SDK1: variants seen among roughly 807,000 people sequenced by gnomAD.
SDK1 encodes the protein protein sidekick-1.
Under a neutral mutation model 245.5 loss-of-function variants are expected in SDK1, and 157 were observed. That is an observed-to-expected ratio of 0.64 (90% confidence interval 0.56 to 0.73). The LOEUF (loss-of-function observed/expected upper bound fraction) is 0.73, where lower values mean the gene tolerates loss of function less well. Ranked by LOEUF, SDK1 falls within the 30% of genes least tolerant of loss-of-function variation. The pLI is 0.00. For synonymous variants in SDK1, 1,647 were observed against 1,278.5 expected, an observed-to-expected ratio of 1.29 and a Z score of -6.15; for missense variants, 3,583 against 3,002.3, an observed-to-expected ratio of 1.19 and a Z score of -4.52.
chr7:3,678,910 T>C (rs1293702795), intron 4 of SDK1, among the ~76,000 whole-genome samples: 1 of 152,108 alleles, frequency 6.6e-6, no homozygotes, highest in Non-Finnish European at 1.5e-5. Flanking sequence ...ACCTCACATT[T>C]TATATCTTTA....
chr7:3,428,903 T>G (rs1024863868), intron 1 of SDK1, among the ~76,000 whole-genome samples: 4 of 152,174 alleles, frequency 2.6e-5, no homozygotes, highest in Admixed American at 6.5e-5. Flanking sequence ...GCAGTGGAGA[T>G]ATTGAGATAC....
At position 3,940,399 on chromosome 7, in the gene SDK1, C is replaced by G. The variant is rs561376433; in HGVS notation, c.848-10524C>G. 4.7e-4 allele frequency among the ~76,000 whole-genome samples: 72 copies of G among 152,352 alleles called. 3 individuals carry two copies. The South Asian group carries it at 0.015, about 32-fold the overall frequency. On this transcript the variant is annotated intron_variant, in intron 5 of 44. Coordinates refer to ENST00000404826, the MANE Select transcript of SDK1 (RefSeq NM_152744.4). ...AAACGCGAAAACGCATCTTAAAACTCGAGCAGAAGTAGCCTTGGTTGTATG... is the reference window on the plus strand; with the variant it reads ...AAACGCGAAAACGCATCTTAAAACTGGAGCAGAAGTAGCCTTGGTTGTATG...
At chr7:4,163,190 G>C (rs1335711413) in intron 32 of SDK1, among the ~76,000 whole-genome samples, 1 of 152,216 alleles carries the variant, frequency 6.6e-6, no homozygotes, top group African/African-American at 2.4e-5. Flanking sequence ...GGGCCAGCAT[G>C]GGGTGGGTAC....
chr7:4,012,506 G>A (rs978785759), intron 16 of SDK1, among the ~76,000 whole-genome samples: 1 of 148,054 alleles, frequency 6.8e-6, no homozygotes, highest in Non-Finnish European at 1.5e-5. Flanking sequence ...AGAATGGAGG[G>A]GGTATTAGGG....
At position 3,336,522 on chromosome 7, in the gene SDK1, C is replaced by A. The variant is rs185840571; in HGVS notation, c.298+34638C>A. On this transcript the variant is annotated intron_variant, in intron 1 of 44. Transcript: ENST00000404826. Reference sequence around the variant, plus strand: ...ACTTGACCTCTTCCATCCCCATCATCCCCTGGTGGGGAGGTGTGAGCCTCC... The same window carrying A: ...ACTTGACCTCTTCCATCCCCATCATACCCTGGTGGGGAGGTGTGAGCCTCC... Among the ~76,000 whole-genome samples, 582 of 152,302 alleles carry A rather than the reference C, an allele frequency of 3.8e-3. 17 individuals carry two copies. The highest frequency in any genetic ancestry group is 0.035 in the Admixed American group (537 of 15,298).
At chr7:3,338,209 A>T (rs1294658296) in intron 1 of SDK1, 1 of 272,602 alleles carries the variant, frequency 3.7e-6, no homozygotes, top group Non-Finnish European at 7.1e-6. Context: ...TCTTTTGGCC[A>T]CATACCTGCA....
At chr7:3,886,766 A>G (rs1781348689) in intron 5 of SDK1, among the ~76,000 whole-genome samples, 1 of 152,188 alleles carries the variant, frequency 6.6e-6, no homozygotes, top group Non-Finnish European at 1.5e-5. Context: ...AATATTAAAA[A>G]TTAGCTAAGC....
chr7:3,957,141 CAG>C (rs745343092), intron 7 of SDK1, among the ~76,000 whole-genome samples: 3 of 152,140 alleles, frequency 2.0e-5, no homozygotes, highest in Non-Finnish European at 4.4e-5. Context: ...CCTACAGAAA[CAG>C]AGAACGGATT....
chr7:3,831,191 C>T (rs1030489910), intron 5 of SDK1, among the ~76,000 whole-genome samples: 4 of 152,086 alleles, frequency 2.6e-5, no homozygotes, highest in East Asian at 1.9e-4. Flanking sequence ...GGTTATTGGC[C>T]GAGATGAGAC....
intron 19 of SDK1, among the ~76,000 whole-genome samples, chr7:4,055,393 CCTT>C (rs1779131505): frequency 6.6e-6 from 1 of 152,110 alleles, no homozygotes; most frequent in African/African-American, 2.4e-5. Flanking sequence ...AGCAGCACCA[CCTT>C]CTTATTGGTT....
chr7:3,579,329 G>T (rs879267014), intron 1 of SDK1, among the ~76,000 whole-genome samples: 51 of 152,192 alleles, frequency 3.4e-4, no homozygotes, highest in Non-Finnish European at 3.2e-4. Flanking sequence ...ACTCCACCAT[G>T]ATCAGGTAGG....
chr7:3,854,748 C>G (rs745416710), intron 5 of SDK1, among the ~76,000 whole-genome samples: 27 of 152,094 alleles, frequency 1.8e-4, no homozygotes, highest in South Asian at 1.2e-3. Context: ...ACTGAAGTAC[C>G]TTCTGCAGCC....
intron 1 of SDK1, among the ~76,000 whole-genome samples, chr7:3,421,682 G>C (rs1583833075): frequency 6.6e-6 from 1 of 152,192 alleles, no homozygotes; most frequent in South Asian, 2.1e-4. Flanking sequence ...CAGTGAGGTA[G>C]CTTTCTGTTG....
rs141943237 is a variant in SDK1 at position 3,607,686 on chromosome 7, G to T, written c.299-11394G>T. On this transcript the variant is annotated intron_variant, in intron 1 of 44. Coordinates refer to ENST00000404826, the MANE Select transcript of SDK1 (RefSeq NM_152744.4). Reference sequence around the variant, plus strand: ...ATAGTTAGTGACATTTAAGACGGTGGCCTGATTTATGTGTGTTATTTAGAA... The same window carrying T: ...ATAGTTAGTGACATTTAAGACGGTGTCCTGATTTATGTGTGTTATTTAGAA... 2.2e-4 allele frequency among the ~76,000 whole-genome samples: 33 copies of T among 152,276 alleles called. 2 individuals are homozygous for T. In the East Asian group the frequency reaches 6.4e-3, roughly 29 times the overall value.
intron 1 of SDK1, among the ~76,000 whole-genome samples, chr7:3,506,976 T>G (rs1782414292): frequency 6.6e-6 from 1 of 152,182 alleles, no homozygotes; most frequent in African/African-American, 2.4e-5. Context: ...AGAGGGTATT[T>G]GTTTTTATTT....
chr7:4,095,171 G>A (rs1053781144), intron 22 of SDK1, among the ~76,000 whole-genome samples: 3 of 148,346 alleles, frequency 2.0e-5, no homozygotes, highest in Non-Finnish European at 3.0e-5. Context: ...CCACATCTGA[G>A]CTCTTCCTCA....
intron 40 of SDK1, among the ~76,000 whole-genome samples, chr7:4,223,465 C>T (rs1473495301): frequency 6.6e-6 from 1 of 152,220 alleles, no homozygotes; most frequent in African/African-American, 2.4e-5. Flanking sequence ...GAGGGAGGAT[C>T]TGTTTCCTGT....
At chr7:4,152,547 G>T (rs1780455774) in intron 30 of SDK1, among the ~76,000 whole-genome samples, 1 of 152,178 alleles carries the variant, frequency 6.6e-6, no homozygotes. Context: ...GTGTGTCCGG[G>T]ACTTCATGCT....
chr7:3,673,429 C>G (rs1027940734), intron 4 of SDK1, among the ~76,000 whole-genome samples: 1 of 152,212 alleles, frequency 6.6e-6, no homozygotes, highest in Non-Finnish European at 1.5e-5. Context: ...TTTTAGTATA[C>G]TCTCTATTCC....
Sources: gnomAD v4.1 joint callset for allele counts (sites outside exome capture counted in the v4.1 genomes callset) on GRCh38, gnomAD v4.1.1 for gene constraint, MANE v1.5 for transcripts, NCBI Gene and HGNC (gene_info 2026-07-23, HGNC 2026-07-21) for gene names.